The following ICA1 variants were observed in gnomAD, a reference collection of about 807,000 sequenced individuals.
ICA1 encodes 69 kDa islet cell autoantigen.
In ICA1, 40 loss-of-function variants were observed where a neutral mutation model predicts 71.0. That is an observed-to-expected ratio of 0.56 (90% confidence interval 0.44 to 0.73). The LOEUF (loss-of-function observed/expected upper bound fraction) is 0.73, where lower values mean the gene tolerates loss of function less well. ICA1 is among the 30% of genes least tolerant of loss of function. The pLI is 0.00. For missense variants in ICA1, 578 were observed against 576.5 expected (o/e 1.00, Z -0.03); for synonymous variants, 207 against 209.5 (o/e 0.99, Z 0.10).
chr7:8,238,719 G>C (rs953099171), intron 1 of ICA1, among the ~76,000 whole-genome samples: 3 of 152,040 alleles, frequency 2.0e-5, no homozygotes, highest in Non-Finnish European at 4.4e-5. Context: ...GTTATTTATA[G>C]TTATAGTTAA....
chr7:8,129,939 A>T (rs11763052), intron 12 of ICA1, among the ~76,000 whole-genome samples: 144,351 of 150,140 alleles, frequency 0.96, 69,417 homozygotes, highest in East Asian at 1. Context: ...CACCTACGAG[A>T]TAGAATATGC....
chr7:8,193,425 C>G (rs1786376859), intron 6 of ICA1, among the ~76,000 whole-genome samples: 1 of 152,216 alleles, frequency 6.6e-6, no homozygotes, highest in Non-Finnish European at 1.5e-5. Flanking sequence ...CACAACTTAT[C>G]TGCTCAATCC....
chr7:8,254,458 T>A (rs534914368), intron 1 of ICA1, among the ~76,000 whole-genome samples: 5 of 149,898 alleles, frequency 3.3e-5, no homozygotes, highest in Non-Finnish European at 5.9e-5. Context: ...AAGCACTATA[T>A]GATCATGTAT....
chr7:8,218,650 A>C, intron 5 of ICA1, 147 bp from the exon 6 acceptor site: 2 of 675,542 alleles, frequency 3.0e-6, no homozygotes, highest in Admixed American at 4.6e-5. Context: ...ATAATAATCG[A>C]AATGCATGTA....
At chr7:8,169,829 CG>C (rs1420088292) in intron 6 of ICA1, among the ~76,000 whole-genome samples, 1 of 150,764 alleles carries the variant, frequency 6.6e-6, no homozygotes, top group Non-Finnish European at 1.5e-5. Context: ...GAAATAAAAA[CG>C]TTTTAAATTT....
At chr7:8,139,528 G>A (rs184459549) in intron 10 of ICA1, among the ~76,000 whole-genome samples, 1 of 152,294 alleles carries the variant, frequency 6.6e-6, no homozygotes, top group East Asian at 1.9e-4. Flanking sequence ...GGGAGGGAGG[G>A]ATGAATAGTG....
chr7:8,235,817 G>A (rs375932013), intron 2 of ICA1, 93 bp downstream of exon 2: 1 of 1,295,742 alleles, frequency 7.7e-7, no homozygotes, highest in Non-Finnish European at 1.1e-6. Context: ...TACTGCCAAT[G>A]TATCTCTTGT....
chr7:8,249,136 T>A (rs183573998), intron 1 of ICA1, among the ~76,000 whole-genome samples: 1 of 152,332 alleles, frequency 6.6e-6, no homozygotes, highest in East Asian at 1.9e-4. Context: ...AGGCTCCCTG[T>A]GATGGGGCAC....
intron 2 of ICA1, among the ~76,000 whole-genome samples, chr7:8,235,163 C>CAA (rs772738236): frequency 7.4e-6 from 1 of 134,294 alleles, no homozygotes; most frequent in Non-Finnish European, 1.6e-5. Flanking sequence ...GACTCCATCT[C>CAA]AAAAAAAAAA....
intron 4 of ICA1, among the ~76,000 whole-genome samples, chr7:8,221,919 C>A (rs957999972): frequency 6.6e-6 from 1 of 152,010 alleles, no homozygotes; most frequent in Admixed American, 6.6e-5. Flanking sequence ...GTGGGGAGGT[C>A]ATCAGGTTGA....
intron 6 of ICA1, among the ~76,000 whole-genome samples, chr7:8,200,103 T>C (rs1388709398): frequency 6.6e-6 from 1 of 151,992 alleles, no homozygotes; most frequent in South Asian, 2.1e-4. Context: ...CTTGAGGAAA[T>C]GGATACCCCA....
At chr7:8,224,931 T>C (rs1382607996) in intron 4 of ICA1, among the ~76,000 whole-genome samples, 1 of 152,230 alleles carries the variant, frequency 6.6e-6, no homozygotes, top group Admixed American at 6.5e-5. Context: ...GTGAAGTGTC[T>C]TTCTTAGTGC....
intron 6 of ICA1, among the ~76,000 whole-genome samples, chr7:8,169,901 A>AGTGTCTGTGTGTGTGTGTGTGT (rs1554305227): frequency 2.0e-5 from 3 of 147,196 alleles, no homozygotes; most frequent in Non-Finnish European, 4.5e-5. Flanking sequence ...TTAATGCCTG[A>AGTGTCTGTGTGTGTGTGTGTGT]GTGTGTGTGT....
intron 6 of ICA1, among the ~76,000 whole-genome samples, chr7:8,201,468 G>A (rs1192177639): frequency 6.6e-6 from 1 of 152,118 alleles, no homozygotes; most frequent in Admixed American, 6.5e-5. Flanking sequence ...AAGACACATG[G>A]AGCCCAACTT....
At chr7:8,174,770 A>AAAACAAAAAACC (rs1584904885) in intron 6 of ICA1, among the ~76,000 whole-genome samples, 2 of 37,300 alleles carry the variant, frequency 5.4e-5, no homozygotes, top group African/African-American at 8.1e-5. Context: ...AAAAAAAAAA[A>AAAACAAAAAACC]AAAAAAAAAC....
At chr7:8,202,282 C>T (rs1227414461) in intron 6 of ICA1, among the ~76,000 whole-genome samples, 2 of 152,136 alleles carry the variant, frequency 1.3e-5, no homozygotes, top group Non-Finnish European at 2.9e-5. Context: ...TCCACCTGGC[C>T]CTGACATGTT....
intron 3 of ICA1, among the ~76,000 whole-genome samples, chr7:8,231,372 A>C (rs1323777104): frequency 6.6e-6 from 1 of 152,152 alleles, no homozygotes; most frequent in Non-Finnish European, 1.5e-5. Flanking sequence ...ACCATATGGA[A>C]TGCAGTCTAA....
At chr7:8,247,804 C>T (rs1312867860) in intron 1 of ICA1, among the ~76,000 whole-genome samples, 2 of 152,200 alleles carry the variant, frequency 1.3e-5, no homozygotes, top group Admixed American at 1.3e-4. Flanking sequence ...TAGCTGATGG[C>T]ACTTCTGATT....
intron 13 of ICA1, among the ~76,000 whole-genome samples, chr7:8,127,091 A>G (rs1242693458): frequency 1.3e-5 from 2 of 151,702 alleles, no homozygotes; most frequent in Non-Finnish European, 2.9e-5. Context: ...CTCCTGCCTC[A>G]GCCTCCTGAG....
Sources: gnomAD v4.1 joint callset for allele counts (sites outside exome capture counted in the v4.1 genomes callset) on GRCh38, gnomAD v4.1.1 for gene constraint, MANE v1.5 for transcripts, NCBI Gene and HGNC (gene_info 2026-07-23, HGNC 2026-07-21) for gene names.